The following TGFBI variants were observed in gnomAD, a reference collection of about 807,000 sequenced individuals.
The protein encoded by TGFBI is transforming growth factor beta induced.
A neutral mutation model predicts 73.7 loss-of-function variants in TGFBI; 50 were observed. The ratio of observed to expected loss-of-function variants is 0.68; its 90% confidence interval spans 0.54 to 0.86. The LOEUF (loss-of-function observed/expected upper bound fraction) is 0.86. Among genes scored for constraint, TGFBI ranks in the 40% least tolerant of loss-of-function variants. The pLI, the probability that TGFBI is intolerant of heterozygous loss-of-function variation, is 0.00. For synonymous variants in TGFBI, 362 were observed against 360.5 expected, an observed-to-expected ratio of 1.00 and a Z score of -0.05; for missense variants, 839 against 877.0, an observed-to-expected ratio of 0.96 and a Z score of 0.55.
chr5:136,058,179 A>T (rs1254138610), intron 12 of TGFBI, among the ~76,000 whole-genome samples: 1 of 152,182 alleles, frequency 6.6e-6, no homozygotes, highest in Non-Finnish European at 1.5e-5. Context: ...TGGATGTTTG[A>T]AAATCAGTTG....
At chr5:136,039,449 C>T (rs1004704352) in intron 2 of TGFBI, among the ~76,000 whole-genome samples, 4 of 152,142 alleles carry the variant, frequency 2.6e-5, no homozygotes, top group Non-Finnish European at 4.4e-5. Context: ...CTAAACTGCC[C>T]CAGGTCTCTG....
intron 2 of TGFBI, among the ~76,000 whole-genome samples, chr5:136,038,986 G>A (rs1007427647): frequency 1.2e-4 from 19 of 152,200 alleles, no homozygotes; most frequent in Admixed American, 1.0e-3. Context: ...GTGGTAATTT[G>A]TCACAGAAAG....
chr5:136,051,998 G>T (rs1002941007), intron 7 of TGFBI, among the ~76,000 whole-genome samples: 4 of 152,212 alleles, frequency 2.6e-5, no homozygotes, highest in African/African-American at 9.6e-5. Flanking sequence ...CGCCTCCGTG[G>T]TGAGAATATG....
rs1056711178 is a variant in TGFBI, at chr5:136,029,046, G to A, written c.-10G>A. 3.3e-6 allele frequency: 5 copies of A among 1,524,814 alleles called. No homozygotes were observed. Among genetic ancestry groups the A allele is most frequent in the Non-Finnish European group, 4.4e-6 (5 of 1,143,128 alleles). The allele number at this position is 1,524,814 out of a possible 1,614,324, so 94.5% of individuals were successfully genotyped here. On this transcript the variant is annotated 5_prime_UTR_variant, in exon 1 of 17. Transcript: ENST00000442011. ...GTCGCTAGCTCGCTCGGTGCGCGTC[G>A]TCCCGCTCCATGGCGCTCTTCGTGC... is the stretch of plus-strand genomic sequence containing the variant.
chr5:136,040,664 T>C (rs1751314392), intron 2 of TGFBI, among the ~76,000 whole-genome samples: 1 of 152,232 alleles, frequency 6.6e-6, no homozygotes, highest in South Asian at 2.1e-4. Flanking sequence ...TTTTCTTTAT[T>C]AGACTGTATC....
At position 136,063,405 on chromosome 5, in the gene TGFBI, TA is replaced by T; in HGVS notation, c.*182del. The T allele has an allele frequency of 9.8e-6, 6 of 612,530 alleles. No individual in the cohort carries two copies. Among genetic ancestry groups the T allele is most frequent in the Non-Finnish European group, 1.7e-5 (6 of 345,778 alleles). The allele number at this position is 612,530 out of a possible 1,614,324, so 37.9% of individuals were successfully genotyped here. A position where few individuals can be genotyped will look rare whatever the true frequency, so the allele number is the denominator to read the frequency against. The stretch of plus-strand genomic sequence containing the variant: ...GGAGGAGGGAGAGAGATGTACTTTT[TA>T]AATCATGTTCCCCCTAAACATGGCT... On this transcript the variant is annotated 3_prime_UTR_variant, in exon 17 of 17. Transcript: ENST00000442011.
intron 9 of TGFBI, 86 bp from the exon 10 acceptor site, chr5:136,054,630 G>A (rs745371733): frequency 6.3e-7 from 1 of 1,577,082 alleles, no homozygotes; most frequent in Non-Finnish European, 8.7e-7. Flanking sequence ...AAGGAGGGAT[G>A]GGCTTTTTCA....
intron 12 of TGFBI, among the ~76,000 whole-genome samples, chr5:136,057,856 G>GGA (rs1751676812): frequency 6.6e-6 from 1 of 152,144 alleles, no homozygotes; most frequent in Admixed American, 6.5e-5. Context: ...TAAGGAGAGG[G>GGA]GAGAAGTTCA....
At chr5:136,053,611 G>T (rs1751575875) in intron 8 of TGFBI, among the ~76,000 whole-genome samples, 1 of 151,870 alleles carries the variant, frequency 6.6e-6, no homozygotes, top group African/African-American at 2.4e-5. Context: ...GGGTGTGGTT[G>T]CTGGCCTTAT....
chr5:136,060,767 A>G, intron 13 of TGFBI, 67 bp from the exon 14 acceptor site: 1 of 1,250,200 alleles, frequency 8.0e-7, no homozygotes, highest in Non-Finnish European at 1.1e-6. Context: ...TGCTGAATGA[A>G]TAAAATAAAT....
chr5:136,062,147 C>T (rs916252098), intron 15 of TGFBI, among the ~76,000 whole-genome samples: 5 of 152,174 alleles, frequency 3.3e-5, no homozygotes, highest in Non-Finnish European at 7.3e-5. Flanking sequence ...TTGCCCAGTG[C>T]TCAGTGCCCC....
chr5:136,040,785 G>A (rs969229718), intron 2 of TGFBI, among the ~76,000 whole-genome samples: 2 of 152,166 alleles, frequency 1.3e-5, no homozygotes, highest in Non-Finnish European at 2.9e-5. Context: ...GGAACTGGGG[G>A]GCTATGGCTG....
At position 136,053,974 on chromosome 5, in the gene TGFBI, T is replaced by G; in HGVS notation, c.1158T>G (p.Ser386=). The G allele has an allele frequency of 6.2e-7, 1 of 1,614,062 alleles. No homozygotes were observed. Among genetic ancestry groups the G allele is most frequent in the Non-Finnish European group, 8.5e-7 (1 of 1,179,900 alleles). Residue 386 remains serine, a synonymous_variant, in exon 9 of 17, where the codon TCT becomes TCG. Transcript: ENST00000442011. The part of the protein sequence containing the change: ...AKTLFELAAE[S]DVSTAIDLFR... ...CACTATTTGAATTGGCTGCAGAGTC[T>G]GATGTGTCCACAGCCATTGACCTTT...
chr5:136,032,292 G>T (rs1751134780), intron 1 of TGFBI, among the ~76,000 whole-genome samples: 1 of 152,078 alleles, frequency 6.6e-6, no homozygotes, highest in Non-Finnish European at 1.5e-5. Context: ...AATGCTCATT[G>T]TCCCTCCTGG....
At position 136,056,681 on chromosome 5, in the gene TGFBI, A is replaced by G. The variant is rs1258374927; in HGVS notation, c.1564A>G (p.Ile522Val). The G allele has an allele frequency of 6.2e-7, 1 of 1,613,858 alleles. No individual in the cohort carries two copies. Among genetic ancestry groups the G allele is most frequent in the Non-Finnish European group, 8.5e-7 (1 of 1,179,900 alleles). ...DNRFSMLVAA[I>V]QSAGLTETLN... ...TATCTACAGCATGCTGGTAGCTGCC[A>G]TCCAGTCTGCAGGACTGACGGAGAC... Residue 522 changes from isoleucine to valine, a missense_variant, in exon 12 of 17, where the codon ATC becomes GTC. Physicochemically the swap from Ile to Val is conservative, Grantham distance 29. Coordinates refer to ENST00000442011, the MANE Select transcript of TGFBI (RefSeq NM_000358.3).
Position 136,055,360 on chromosome 5 carries a change from T to A in TGFBI, c.1411-320T>A, listed in dbSNP as rs966046564. 4.7e-5 allele frequency: 12 copies of A among 253,112 alleles called. 1 individual carries two copies. In the Admixed American group the frequency reaches 5.4e-4, roughly 11 times the overall value. 15.7% of individuals were successfully genotyped at this position (253,112 alleles called of 1,614,324 possible). A position where few individuals can be genotyped will look rare whatever the true frequency, so the allele number is the denominator to read the frequency against. On this transcript the variant is annotated intron_variant, in intron 10 of 16. Coordinates refer to ENST00000442011, the MANE Select transcript of TGFBI (RefSeq NM_000358.3). The stretch of plus-strand genomic sequence containing the variant: ...TTGGCTAAAGATGGTTATCATCTGT[T>A]AAACAAAGAAATAAATAAATGGGTT...
chr5:136,031,859 G>C (rs1751127034), intron 1 of TGFBI, among the ~76,000 whole-genome samples: 1 of 152,184 alleles, frequency 6.6e-6, no homozygotes, highest in Admixed American at 6.5e-5. Flanking sequence ...GAGAAGGAGA[G>C]GGTCACAGCC....
intron 3 of TGFBI, among the ~76,000 whole-genome samples, chr5:136,044,553 C>G (rs958646442): frequency 6.6e-6 from 1 of 152,230 alleles, no homozygotes; most frequent in Admixed American, 6.5e-5. Flanking sequence ...GCTGGCAACC[C>G]CAAGCCATCC....
At chr5:136,061,640 T>C (rs766762728) in intron 15 of TGFBI, 61 bp downstream of exon 15, 4 of 1,387,272 alleles carry the variant, frequency 2.9e-6, no homozygotes, top group African/African-American at 2.8e-5. Context: ...GTTTGGGCCA[T>C]AGAGGAGCCT....
Sources: allele counts gnomAD v4.1 joint callset (sites outside exome capture counted in the v4.1 genomes callset), GRCh38; gene constraint gnomAD v4.1.1; transcripts MANE v1.5; gene names NCBI Gene and HGNC (gene_info 2026-07-23, HGNC 2026-07-21).